The following SOX5 variants were observed in gnomAD, a reference collection of about 807,000 sequenced individuals.
SOX5 encodes the protein SRY-box transcription factor 5.
SOX5 carries 9 observed loss-of-function variants against 92.0 expected under a neutral mutation model. That is an observed-to-expected ratio of 0.10 (90% CI 0.06 to 0.17). The LOEUF is 0.17. Among genes scored for constraint, SOX5 ranks in the 10% least tolerant of loss-of-function variants. The pLI is 1.00. For missense variants in SOX5, 642 were observed against 944.5 expected (o/e 0.68, Z 4.20); for synonymous variants, 344 against 336.3 (o/e 1.02, Z -0.25).
At chr12:24,541,117 T>G (rs1952086349) in intron 1 of SOX5, among the ~76,000 whole-genome samples, 1 of 152,216 alleles carries the variant, frequency 6.6e-6, no homozygotes, top group South Asian at 2.1e-4. Context: ...AAGAGCTCAC[T>G]GTGGGATTAT....
At chr12:24,262,212 A>G (rs1316580694) in intron 3 of SOX5, among the ~76,000 whole-genome samples, 1 of 152,186 alleles carries the variant, frequency 6.6e-6, no homozygotes, top group African/African-American at 2.4e-5. Flanking sequence ...GAAATTCTCG[A>G]TGGGCATAAT....
chr12:23,846,868 T>C (rs1248922439), intron 2 of SOX5, among the ~76,000 whole-genome samples: 1 of 152,176 alleles, frequency 6.6e-6, no homozygotes, highest in African/African-American at 2.4e-5. Flanking sequence ...CAACACTCTT[T>C]GCTATTTTGT....
chr12:24,407,836 C>CAACGTATAGAAAAGAGGA (rs1254270639), intron 1 of SOX5, among the ~76,000 whole-genome samples: 1 of 152,130 alleles, frequency 6.6e-6, no homozygotes, highest in Non-Finnish European at 1.5e-5. Flanking sequence ...AATCCAGGAA[C>CAACGTATAGAAAAGAGGA]AACGTATAGA....
chr12:24,370,666 C>T (rs1286579831), intron 1 of SOX5, among the ~76,000 whole-genome samples: 1 of 151,838 alleles, frequency 6.6e-6, no homozygotes, highest in Non-Finnish European at 1.5e-5. Flanking sequence ...GGGGCACGCG[C>T]GTGTAGTCCC....
intron 4 of SOX5, among the ~76,000 whole-genome samples, chr12:24,161,963 A>G (rs1484189205): frequency 1.3e-5 from 2 of 152,124 alleles, no homozygotes; most frequent in African/African-American, 4.8e-5. Context: ...AGAAAAATTT[A>G]TGGTTAATGG....
At chr12:24,184,069 C>T (rs1468595355) in intron 4 of SOX5, among the ~76,000 whole-genome samples, 3 of 151,978 alleles carry the variant, frequency 2.0e-5, no homozygotes, top group African/African-American at 7.2e-5. Flanking sequence ...CTGCAAATAC[C>T]TTAGATTTGA....
chr12:23,769,818 C>G (rs11047090), intron 3 of SOX5, among the ~76,000 whole-genome samples: 1 of 152,184 alleles, frequency 6.6e-6, no homozygotes, highest in East Asian at 1.9e-4. Context: ...TAAGAGGTCT[C>G]TATTATGCCA....
At chr12:24,201,390 T>G (rs977598016) in intron 4 of SOX5, among the ~76,000 whole-genome samples, 2 of 152,116 alleles carry the variant, frequency 1.3e-5, no homozygotes, top group Non-Finnish European at 1.5e-5. Context: ...CACAAACATT[T>G]CATGTACTTC....
At chr12:24,058,050 T>C (rs1316105597) in intron 4 of SOX5, among the ~76,000 whole-genome samples, 3 of 152,284 alleles carry the variant, frequency 2.0e-5, no homozygotes, top group Non-Finnish European at 2.9e-5. Flanking sequence ...TTTGCAGCTC[T>C]GCAAAGCAAG....
chr12:23,619,425 A>C (rs2076930704), intron 8 of SOX5, among the ~76,000 whole-genome samples: 1 of 152,118 alleles, frequency 6.6e-6, no homozygotes, highest in Admixed American at 6.6e-5. Context: ...GAAAGAGTAA[A>C]AGTCATCTGT....
At chr12:23,817,196 C>T (rs962808338) in intron 3 of SOX5, among the ~76,000 whole-genome samples, 3 of 152,120 alleles carry the variant, frequency 2.0e-5, no homozygotes, top group African/African-American at 7.2e-5. Flanking sequence ...CAAAAATTTA[C>T]AAAGCTAAGT....
chr12:24,030,500 G>T (rs956190365), intron 4 of SOX5, among the ~76,000 whole-genome samples: 2 of 151,850 alleles, frequency 1.3e-5, no homozygotes, highest in African/African-American at 4.8e-5. Flanking sequence ...ATATGCAAAA[G>T]AAGGAAATTA....
intron 2 of SOX5, among the ~76,000 whole-genome samples, chr12:23,881,524 T>C (rs2096989739): frequency 6.6e-6 from 1 of 152,182 alleles, no homozygotes; most frequent in Non-Finnish European, 1.5e-5. Context: ...ACTTAGATAA[T>C]CCATTGATCC....
At chr12:24,160,058 C>T (rs1299944333) in intron 4 of SOX5, among the ~76,000 whole-genome samples, 1 of 151,812 alleles carries the variant, frequency 6.6e-6, no homozygotes, top group Non-Finnish European at 1.5e-5. Context: ...ATCACTCCCT[C>T]GAACAATAGA....
chr12:23,570,980 TA>T (rs1948267621), intron 10 of SOX5, among the ~76,000 whole-genome samples: 1 of 118,890 alleles, frequency 8.4e-6, no homozygotes, highest in African/African-American at 3.3e-5. Flanking sequence ...TATATATATA[TA>T]TATTTTCATA....
At chr12:24,263,493 A>C (rs1335340656) in intron 3 of SOX5, among the ~76,000 whole-genome samples, 1 of 130,960 alleles carries the variant, frequency 7.6e-6, no homozygotes, top group Non-Finnish European at 1.6e-5. Flanking sequence ...GTGTCACTGC[A>C]CTCCAGCCTG....
At chr12:24,157,650 T>G (rs1952329930) in intron 4 of SOX5, among the ~76,000 whole-genome samples, 1 of 152,092 alleles carries the variant, frequency 6.6e-6, no homozygotes, top group Non-Finnish European at 1.5e-5. Context: ...GCCAATGAAT[T>G]CCTATTAGAC....
chr12:24,094,573 A>G (rs1035606237), intron 4 of SOX5, among the ~76,000 whole-genome samples: 1 of 151,784 alleles, frequency 6.6e-6, no homozygotes, highest in Non-Finnish European at 1.5e-5. Context: ...ACCTGAGGTC[A>G]TAAAAATACT....
chr12:24,364,976 C>T (rs1267128695), intron 2 of SOX5, among the ~76,000 whole-genome samples: 1 of 151,958 alleles, frequency 6.6e-6, no homozygotes, highest in African/African-American at 2.4e-5. Context: ...AGCTGATCAT[C>T]CCCCAAAATA....
Sources: allele counts gnomAD v4.1 joint callset (sites outside exome capture counted in the v4.1 genomes callset), GRCh38; gene constraint gnomAD v4.1.1; transcripts MANE v1.5; gene names NCBI Gene and HGNC (gene_info 2026-07-23, HGNC 2026-07-21).